Variants in NYNRIN observed in about 807,000 individuals in gnomAD.
NYNRIN encodes NYN domain and retroviral integrase containing.
NYNRIN carries 86 observed loss-of-function variants against 146.6 expected under a neutral mutation model. The ratio of observed to expected loss-of-function variants is 0.59; its 90% CI spans 0.49 to 0.70. NYNRIN has a LOEUF of 0.70. Ranked by LOEUF, NYNRIN falls within the 30% of genes least tolerant of loss-of-function variation. NYNRIN has a pLI of 0.00. For missense variants in NYNRIN, 2,191 were observed against 2,377.7 expected (o/e 0.92, Z 1.63); for synonymous variants, 1,027 against 1,001.3 (o/e 1.03, Z -0.48).
intron 8 of NYNRIN, among the ~76,000 whole-genome samples, chr14:24,413,874 G>C (rs1365878742): frequency 6.6e-6 from 1 of 152,210 alleles, no homozygotes; most frequent in African/African-American, 2.4e-5. Flanking sequence ...GGGAAGCTGT[G>C]TCTAGAGTAT....
chr14:24,399,565 T>A, intron 2 of NYNRIN, 121 bp downstream of exon 2: 1 of 898,498 alleles, frequency 1.1e-6, no homozygotes. Flanking sequence ...GATTTGGCAG[T>A]GTGGCAGGCA....
chr14:24,409,250 A>G lies in NYNRIN; in HGVS notation c.1456A>G (p.Thr486Ala), dbSNP rs1381533525. The G allele has an allele frequency of 1.2e-6, 2 of 1,614,028 alleles. No homozygotes were observed. The highest frequency in any genetic ancestry group is 2.2e-5 in the South Asian group (2 of 91,088). ...ACAGATAGGGCCACCCTTGACCTCT[A>G]CACCCCAACTACAGGCTGGAGGTGA... ...LPQIGPPLTSTPQLQAGGEPG... is the reference protein window; with the variant it reads ...LPQIGPPLTSAPQLQAGGEPG... The change falls in exon 4 of 9, where the codon ACA (threonine) becomes GCA (alanine). Residue 486 changes from threonine to alanine, a missense_variant. Physicochemically the swap from Thr to Ala is moderately conservative, Grantham distance 58 (BLOSUM62 0). Around this residue, in one of 3 missense-constraint regions of NYNRIN, gnomAD observed 895 missense variants for 941.2 expected, o/e 0.95. Transcript: ENST00000382554.
chr14:24,413,184 G>C, intron 7 of NYNRIN, 86 bp downstream of exon 7: 1 of 1,328,494 alleles, frequency 7.5e-7, no homozygotes, highest in South Asian at 1.3e-5. Context: ...GGCTGGAAGA[G>C]AGGCCTTGGA....
rs748852943 is a variant in NYNRIN, at chr14:24,410,146, A to C, written c.2352A>C (p.Ser784=). ...ALNTPFELNL[S]GEPGNQGLRR... ...ATACACCCTTCGAGCTGAACCTGTCAGGGGAACCTGGAAACCAGGGGTTGC... is the reference window on the plus strand; with the variant it reads ...ATACACCCTTCGAGCTGAACCTGTCCGGGGAACCTGGAAACCAGGGGTTGC... The change falls in exon 4 of 9, where the codon TCA becomes TCC. Residue 784 remains serine (S), a synonymous_variant. Coordinates refer to ENST00000382554, the MANE Select transcript of NYNRIN (RefSeq NM_025081.3). The C allele has an allele frequency of 1.2e-6, 2 of 1,613,042 alleles. No homozygotes were observed. Among genetic ancestry groups the C allele is most frequent in the Non-Finnish European group, 8.5e-7 (1 of 1,179,278 alleles).
chr14:24,404,647 T>G (rs2042865559), intron 2 of NYNRIN, among the ~76,000 whole-genome samples: 1 of 152,212 alleles, frequency 6.6e-6, no homozygotes, highest in Non-Finnish European at 1.5e-5. Context: ...CTTGTTGGTT[T>G]TGAGCTTGAT....
At position 24,418,032 on chromosome 14, in the gene NYNRIN, T is replaced by G. The variant is rs74036632; in HGVS notation, c.*586T>G. ...TCAAGCCAGGTGTGGCCTGCACAGC[T>G]CTCAGGGCAGGGCTGGCCATCCTCC... On this transcript the variant is annotated 3_prime_UTR_variant, in exon 9 of 9. Coordinates refer to ENST00000382554, the MANE Select transcript of NYNRIN (RefSeq NM_025081.3). 0.039 allele frequency: 12,533 copies of G among 322,752 alleles called. 921 individuals are homozygous for G. The highest frequency in any genetic ancestry group is 0.17 in the African/African-American group (7,683 of 44,248). The allele number at this position is 322,752 out of a possible 1,614,324, so 20.0% of individuals were successfully genotyped here.
chr14:24,415,744 T>A lies in NYNRIN; in HGVS notation c.3995T>A (p.Leu1332Gln). ...TGTGCTGGCTTTGGTCTCTATGTTC[T>A]ATCGCCCACCAGCCCCCCTGTCTCC... is the stretch of plus-strand genomic sequence containing the variant. ...EWCAGFGLYV[L>Q]SPTSPPVSLS... The change falls in exon 9 of 9, where the codon CTA (leucine) becomes CAA (glutamine). Residue 1332 changes from leucine to glutamine, a missense_variant. Coordinates refer to ENST00000382554, the MANE Select transcript of NYNRIN (RefSeq NM_025081.3). The A allele has an allele frequency of 6.2e-7, 1 of 1,613,706 alleles. No homozygotes were observed. Among genetic ancestry groups the A allele is most frequent in the Non-Finnish European group, 8.5e-7 (1 of 1,179,750 alleles).
rs2042914853 is a variant in NYNRIN, at chr14:24,411,835, G to C, written c.2642+385G>C. ...TTCCTCCCTCGGAGCCCCGGCACTG[G>C]TGGAGGTCTGTGCATGGCTGATGTG... is the stretch of plus-strand genomic sequence containing the variant. On this transcript the variant is annotated intron_variant, in intron 6 of 8. Coordinates refer to ENST00000382554, the MANE Select transcript of NYNRIN (RefSeq NM_025081.3). The surrounding 1 kb of genome is among the most constrained non-coding windows in gnomAD (Gnocchi z 4.3). Among the ~76,000 whole-genome samples, 1 of 152,202 alleles carries C rather than the reference G, an allele frequency of 6.6e-6. No homozygotes were observed. Among genetic ancestry groups the C allele is most frequent in the Non-Finnish European group, 1.5e-5 (1 of 68,038 alleles).
chr14:24,411,082 C>G lies in NYNRIN; in HGVS notation c.2421C>G (p.Gly807=), dbSNP rs1337183286. The change falls in exon 5 of 9, where the codon GGC becomes GGG. Residue 807 remains glycine, a synonymous_variant. Coordinates refer to ENST00000382554, the MANE Select transcript of NYNRIN (RefSeq NM_025081.3). This position sits in a 1 kb window ranked among gnomAD's most constrained non-coding sequence, Gnocchi z 4.3. The part of the protein sequence containing the change: ...IDGSSVAMVH[G]LQHFFSCRGI... ...TTGTCCCACGACCCCACAGGCATGG[C>G]CTGCAGCACTTCTTCTCCTGCCGAG... The G allele has an allele frequency of 1.9e-6, 3 of 1,613,642 alleles. No homozygotes were observed. The highest frequency in any genetic ancestry group is 2.2e-5 in the East Asian group (1 of 44,892).
At chr14:24,404,610 G>C (rs1279703673) in intron 2 of NYNRIN, among the ~76,000 whole-genome samples, 5 of 152,228 alleles carry the variant, frequency 3.3e-5, no homozygotes, top group Admixed American at 3.3e-4. Context: ...ACAAAAAGCT[G>C]ATTGGGAGTG....
rs1265527062 is a variant in NYNRIN, at chr14:24,412,988, T to TC, written c.2643-6dup. On this transcript the variant is annotated splice_polypyrimidine_tract_variant and intron_variant, in intron 6 of 8. Coordinates refer to ENST00000382554, the MANE Select transcript of NYNRIN (RefSeq NM_025081.3). Reference sequence around the variant, plus strand: ...ACTGGGTCATTAGTGACTTCCCCTCTCCCTGCAGGTTCATGGTAAAGCTGG... The same window carrying TC: ...ACTGGGTCATTAGTGACTTCCCCTCTCCCCTGCAGGTTCATGGTAAAGCTGG... 6.3e-7 allele frequency: 1 copy of TC among 1,578,282 alleles called. No homozygotes were observed. Among genetic ancestry groups the TC allele is most frequent in the Admixed American group, 1.8e-5 (1 of 55,248 alleles).
At chr14:24,412,611 A>G (rs183637848) in intron 6 of NYNRIN, 1 of 195,744 alleles carries the variant, frequency 5.1e-6, no homozygotes, top group Admixed American at 6.0e-5. Flanking sequence ...CCTCACAGCA[A>G]CATGGGGTAG....
At position 24,416,786 on chromosome 14, in the gene NYNRIN, A is replaced by T; in HGVS notation, c.5037A>T (p.Ala1679=). The change falls in exon 9 of 9, where the codon GCA becomes GCT. Residue 1679 remains alanine, a synonymous_variant. Transcript: ENST00000382554. ...ARWGVPVRLE[A]AQGPQFARHV... ...GGGGTGTTCCTGTGAGGCTGGAGGC[A>T]GCCCAGGGGCCCCAGTTTGCCCGGC... 1 of 1,613,220 alleles carries T rather than the reference A, an allele frequency of 6.2e-7. No homozygotes were observed. The highest frequency in any genetic ancestry group is 8.5e-7 in the Non-Finnish European group (1 of 1,179,548).
At chr14:24,406,626 A>G (rs11621594) in intron 2 of NYNRIN, among the ~76,000 whole-genome samples, 50,989 of 152,178 alleles carry the variant, frequency 0.34, 9,653 homozygotes, top group Middle Eastern at 0.53. Flanking sequence ...GAGCCGGGAA[A>G]GATGGCCCGG....
chr14:24,408,865 G>C lies in NYNRIN; in HGVS notation c.1071G>C (p.Gly357=). Reference sequence around the variant, plus strand: ...CCTGGACCCCGGGGCCAGCCTTTGGGCCATTGTGGCCGGGGGCTATTGCTG... The same window carrying C: ...CCTGGACCCCGGGGCCAGCCTTTGGCCCATTGTGGCCGGGGGCTATTGCTG... The part of the protein sequence containing the change: ...WKAWTPGPAF[G]PLWPGAIAAT... Residue 357 remains glycine, a synonymous_variant, in exon 4 of 9, where the codon GGG becomes GGC. Coordinates refer to ENST00000382554, the MANE Select transcript of NYNRIN (RefSeq NM_025081.3). 1.2e-6 allele frequency: 2 copies of C among 1,614,034 alleles called. No homozygotes were observed. Among genetic ancestry groups the C allele is most frequent in the African/African-American group, 2.7e-5 (2 of 75,072 alleles).
At chr14:24,407,798 G>A (rs2139345905) in intron 2 of NYNRIN, 71 bp from the exon 3 acceptor site, 1 of 1,432,732 alleles carries the variant, frequency 7.0e-7, no homozygotes, top group South Asian at 1.4e-5. Context: ...TGGCCTTTTG[G>A]GTGGCGAGGG....
Position 24,413,061 on chromosome 14 carries a change from C to T in NYNRIN, c.2707C>T (p.Leu903=). ...TGTCACCAATGAGCAGATTCACATC[C>T]TGATGAATAGTTCCAAGAAACTGAT... ...IIVTNEQIHI[L]MNSSKKLMVK... is the part of the protein sequence containing the mutation. The change falls in exon 7 of 9, where the codon CTG becomes TTG. Residue 903 remains leucine (L), a synonymous_variant. Transcript: ENST00000382554. 1 of 1,599,462 alleles carries T rather than the reference C, an allele frequency of 6.3e-7. No individual in the cohort carries two copies.
At position 24,415,054 on chromosome 14, in the gene NYNRIN, A is replaced by G; in HGVS notation, c.3305A>G (p.Asp1102Gly). 1 of 1,611,780 alleles carries G rather than the reference A, an allele frequency of 6.2e-7. No individual in the cohort carries two copies. The highest frequency in any genetic ancestry group is 8.5e-7 in the Non-Finnish European group (1 of 1,178,922). The change falls in exon 9 of 9, where the codon GAC (aspartate) becomes GGC (glycine). Residue 1102 changes from aspartate to glycine, a missense_variant. Physicochemically the swap from Asp to Gly is moderately conservative, Grantham distance 94. This residue lies in a region of NYNRIN where 1,291 missense variants were observed against 1,417.0 expected (regional missense o/e 0.91). Coordinates refer to ENST00000382554, the MANE Select transcript of NYNRIN (RefSeq NM_025081.3). ...TALSFFMGFM[D>G]SHRDAIPDYE... Reference sequence around the variant, plus strand: ...CTCTCCTTCTTCATGGGCTTCATGGACTCCCACAGGGATGCCATCCCTGAC... The same window carrying G: ...CTCTCCTTCTTCATGGGCTTCATGGGCTCCCACAGGGATGCCATCCCTGAC...
chr14:24,416,395 A>G lies in NYNRIN; in HGVS notation c.4646A>G (p.His1549Arg). 6.2e-7 allele frequency: 1 copy of G among 1,613,098 alleles called. No homozygotes were observed. Among genetic ancestry groups the G allele is most frequent in the Non-Finnish European group, 8.5e-7 (1 of 1,179,484 alleles). Residue 1549 changes from histidine to arginine, a missense_variant, in exon 9 of 9, where the codon CAT (histidine) becomes CGT (arginine). Around this residue, in one of 3 missense-constraint regions of NYNRIN, gnomAD observed 1,291 missense variants for 1,417.0 expected, o/e 0.91. Coordinates refer to ENST00000382554, the MANE Select transcript of NYNRIN (RefSeq NM_025081.3). ...QLRRDLIFSVHDIPLGAHQRP... is the reference protein window; with the variant it reads ...QLRRDLIFSVRDIPLGAHQRP... Reference sequence around the variant, plus strand: ...CGGAGGGATCTGATTTTCTCTGTGCATGACATTCCCTTGGGGGCCCACCAG... The same window carrying G: ...CGGAGGGATCTGATTTTCTCTGTGCGTGACATTCCCTTGGGGGCCCACCAG...
Sources: allele counts gnomAD v4.1 joint callset (sites outside exome capture counted in the v4.1 genomes callset), GRCh38; gene constraint gnomAD v4.1.1; regional missense constraint gnomAD v4.1.1; non-coding constraint Gnocchi (gnomAD v3.1); transcripts MANE v1.5; gene names NCBI Gene and HGNC (gene_info 2026-07-23, HGNC 2026-07-21).